The following RANBP17 variants were observed in gnomAD, a reference collection of about 807,000 sequenced individuals.
RANBP17 encodes the protein ran-binding protein 17.
Under a neutral mutation model 141.2 loss-of-function variants are expected in RANBP17, and 158 were observed. The observed-to-expected ratio is 1.12, with a 90% CI of 0.98 to 1.28. The LOEUF is 1.28. RANBP17 is among the 50% of genes most tolerant of loss of function. The probability of loss-of-function intolerance (pLI) is 0.00; values close to 1 mark genes in which losing one functional copy is unlikely to be tolerated. For missense variants in RANBP17, 1,438 were observed against 1,290.7 expected, an observed-to-expected ratio of 1.11 and a Z score of -1.75; for synonymous variants, 430 against 450.0, an observed-to-expected ratio of 0.96 and a Z score of 0.56.
At chr5:170,972,792 T>A (rs563202099) in intron 14 of RANBP17, among the ~76,000 whole-genome samples, 1 of 152,310 alleles carries the variant, frequency 6.6e-6, no homozygotes, top group Non-Finnish European at 1.5e-5. Flanking sequence ...CTAAGTGTTA[T>A]AACAGCTTAT....
chr5:171,298,939 T>C lies in RANBP17; in HGVS notation c.*81T>C, dbSNP rs1768991060. On this transcript the variant is annotated 3_prime_UTR_variant, in exon 28 of 28. Transcript: ENST00000523189. ...TGGGTCTCAGGACAGTGATGTTGGCTAGCCCAGGGGAATGTATTTTTCAAA... is the reference window on the plus strand; with the variant it reads ...TGGGTCTCAGGACAGTGATGTTGGCCAGCCCAGGGGAATGTATTTTTCAAA... 3.8e-6 allele frequency: 4 copies of C among 1,048,466 alleles called. No homozygotes were observed. Among genetic ancestry groups the C allele is most frequent in the Non-Finnish European group, 5.9e-6 (4 of 680,456 alleles). The allele number at this position is 1,048,466 out of a possible 1,614,324, so 64.9% of individuals were successfully genotyped here. A position where few individuals can be genotyped will look rare whatever the true frequency, so the allele number is the denominator to read the frequency against.
At chr5:170,937,257 C>T (rs564971259) in intron 12 of RANBP17, among the ~76,000 whole-genome samples, 2 of 152,238 alleles carry the variant, frequency 1.3e-5, no homozygotes, top group African/African-American at 4.8e-5. Context: ...AAGGTTTTTT[C>T]CTCCTCTTCA....
At chr5:171,214,788 AAATT>A (rs1763113656) in intron 21 of RANBP17, among the ~76,000 whole-genome samples, 1 of 152,108 alleles carries the variant, frequency 6.6e-6, no homozygotes, top group Admixed American at 6.5e-5. Context: ...TTTAACCAGA[AAATT>A]AATATTATGT....
chr5:171,099,336 TG>T (rs1786950417), intron 14 of RANBP17, among the ~76,000 whole-genome samples: 1 of 152,190 alleles, frequency 6.6e-6, no homozygotes, highest in South Asian at 2.1e-4. Flanking sequence ...TCACATCCCT[TG>T]TAAGTTGTAT....
chr5:171,002,077 G>GTGAT (rs1344514894), intron 14 of RANBP17, among the ~76,000 whole-genome samples: 1 of 152,220 alleles, frequency 6.6e-6, no homozygotes, highest in Non-Finnish European at 1.5e-5. Context: ...ACACTGAGAA[G>GTGAT]TGATTTCCTT....
chr5:170,998,332 C>G (rs1187075072), intron 14 of RANBP17, among the ~76,000 whole-genome samples: 1 of 152,124 alleles, frequency 6.6e-6, no homozygotes, highest in Admixed American at 6.5e-5. Flanking sequence ...TAGGAACACT[C>G]AGGTCACTTT....
intron 14 of RANBP17, among the ~76,000 whole-genome samples, chr5:170,982,010 C>T (rs550337400): frequency 2.6e-5 from 4 of 152,212 alleles, no homozygotes; most frequent in East Asian, 3.9e-4. Flanking sequence ...ATTGTCTCTC[C>T]GAAATTCTTG....
At chr5:171,262,320 A>G (rs559636690) in intron 24 of RANBP17, among the ~76,000 whole-genome samples, 5 of 152,324 alleles carry the variant, frequency 3.3e-5, no homozygotes, top group African/African-American at 1.2e-4. Context: ...ACAAGTCTGT[A>G]TTTGACTTTT....
At position 171,242,781 on chromosome 5, in the gene RANBP17, T is replaced by TAC; in HGVS notation, c.2738_2739insCA (p.Val914MetfsTer25). 1 of 1,613,772 alleles carries TAC rather than the reference T, an allele frequency of 6.2e-7. No homozygotes were observed. The highest frequency in any genetic ancestry group is 8.5e-7 in the Non-Finnish European group (1 of 1,179,716). On this transcript the variant is annotated frameshift_variant, in exon 24 of 28. Coordinates refer to ENST00000523189, the MANE Select transcript of RANBP17 (RefSeq NM_022897.5). LOFTEE classifies it high-confidence loss of function. ...CAACTTAGAGCCTCCTGTACTCATGTATGTTCTCACATCTATCTCAGAGGG... is the reference window on the plus strand; with the variant it reads ...CAACTTAGAGCCTCCTGTACTCATGTACATGTTCTCACATCTATCTCAGAGGG...
At chr5:171,230,046 C>T (rs2127988908) in intron 22 of RANBP17, among the ~76,000 whole-genome samples, 1 of 152,022 alleles carries the variant, frequency 6.6e-6, no homozygotes, top group Non-Finnish European at 1.5e-5. Context: ...GCCTGGGCAA[C>T]AACAGCGAAA....
At chr5:171,283,799 A>G (rs1767998215) in intron 25 of RANBP17, among the ~76,000 whole-genome samples, 1 of 151,752 alleles carries the variant, frequency 6.6e-6, no homozygotes, top group Admixed American at 6.6e-5. Context: ...AGGCCATTCA[A>G]AAGAAAGAGA....
intron 14 of RANBP17, among the ~76,000 whole-genome samples, chr5:171,008,642 A>G (rs557939768): frequency 6.5e-4 from 99 of 152,322 alleles, no homozygotes; most frequent in Admixed American, 2.3e-3. Flanking sequence ...GGGGAGAATT[A>G]CAAAGAACCT....
At chr5:171,022,049 G>A (rs1435908207) in intron 14 of RANBP17, among the ~76,000 whole-genome samples, 1 of 152,002 alleles carries the variant, frequency 6.6e-6, no homozygotes, top group African/African-American at 2.4e-5. Flanking sequence ...GGGTTTGCTG[G>A]GGCTTCTGTA....
At chr5:170,932,382 A>T (rs2127459753) in intron 12 of RANBP17, among the ~76,000 whole-genome samples, 1 of 152,230 alleles carries the variant, frequency 6.6e-6, no homozygotes, top group South Asian at 2.1e-4. Context: ...CTCTTTTCCT[A>T]ATTGAATACC....
chr5:171,212,758 G>T (rs1762982077), intron 20 of RANBP17, among the ~76,000 whole-genome samples: 1 of 152,168 alleles, frequency 6.6e-6, no homozygotes, highest in Non-Finnish European at 1.5e-5. Context: ...ATTGGGAAAA[G>T]AAAAGAGAAA....
intron 25 of RANBP17, among the ~76,000 whole-genome samples, chr5:171,266,518 A>G (rs1766695008): frequency 6.6e-6 from 1 of 152,204 alleles, no homozygotes; most frequent in Non-Finnish European, 1.5e-5. Context: ...TGCAAGGTGC[A>G]GTACCTGTAG....
At chr5:170,930,893 C>T (rs889192185) in intron 12 of RANBP17, among the ~76,000 whole-genome samples, 10 of 152,098 alleles carry the variant, frequency 6.6e-5, no homozygotes, top group East Asian at 3.8e-4. Context: ...GTCCTTATAG[C>T]GGTGTGATTT....
chr5:171,268,235 T>C (rs973905895), intron 25 of RANBP17, among the ~76,000 whole-genome samples: 3 of 152,202 alleles, frequency 2.0e-5, no homozygotes, highest in South Asian at 2.1e-4. Flanking sequence ...TTCATTAATA[T>C]AGTGATGACA....
intron 26 of RANBP17, among the ~76,000 whole-genome samples, chr5:171,295,487 C>T (rs1025428329): frequency 4.6e-5 from 7 of 152,126 alleles, no homozygotes; most frequent in Admixed American, 1.3e-4. Context: ...CTTGGCCTTG[C>T]CTTCAGTCAC....
Sources: allele counts gnomAD v4.1 joint callset (sites outside exome capture counted in the v4.1 genomes callset), GRCh38; gene constraint gnomAD v4.1.1; transcripts MANE v1.5; gene names NCBI Gene and HGNC (gene_info 2026-07-23, HGNC 2026-07-21).